Variants in CACNA2D4 observed in about 807,000 individuals in gnomAD.
The protein encoded by CACNA2D4 is calcium voltage-gated channel auxiliary subunit alpha2delta 4.
Under a neutral mutation model 163.8 loss-of-function variants are expected in CACNA2D4, and 157 were observed. That is an observed-to-expected ratio of 0.96 (90% CI 0.84 to 1.09). The LOEUF is 1.09. CACNA2D4 is among the 50% of genes least tolerant of loss of function. The probability of loss-of-function intolerance (pLI) is 0.00; values close to 1 mark genes in which losing one functional copy is unlikely to be tolerated. For missense variants in CACNA2D4, 1,410 were observed against 1,479.9 expected (o/e 0.95, Z 0.78); for synonymous variants, 598 against 586.9 (o/e 1.02, Z -0.27).
intron 29 of CACNA2D4, among the ~76,000 whole-genome samples, chr12:1,803,800 C>G (rs551549639): frequency 1.3e-5 from 2 of 152,332 alleles, no homozygotes; most frequent in Admixed American, 1.3e-4. Context: ...GGACACGAAT[C>G]AAGAGCTTCA....
At position 1,799,763 on chromosome 12, in the gene CACNA2D4, G is replaced by T; in HGVS notation, c.2975-68C>A. On this transcript the variant is annotated intron_variant, in intron 33 of 37. Coordinates refer to ENST00000382722, the MANE Select transcript of CACNA2D4 (RefSeq NM_172364.5). This position sits in a 1 kb window ranked among gnomAD's most constrained non-coding sequence, Gnocchi z 4.7. ...GAAAACATGGTGGCACATGAGGGCAGGATGTCATGGGGTGGTGATGATGGC... is the reference window on the plus strand; with the variant it reads ...GAAAACATGGTGGCACATGAGGGCATGATGTCATGGGGTGGTGATGATGGC... The T allele has an allele frequency of 6.5e-7, 1 of 1,534,812 alleles. No homozygotes were observed. The highest frequency in any genetic ancestry group is 8.8e-7 in the Non-Finnish European group (1 of 1,131,250).
intron 18 of CACNA2D4, among the ~76,000 whole-genome samples, chr12:1,863,431 A>G (rs1865566945): frequency 6.6e-6 from 1 of 152,244 alleles, no homozygotes; most frequent in Admixed American, 6.5e-5. Flanking sequence ...TTTCATATAA[A>G]TTTTAGAACC....
chr12:1,890,604 C>A (rs1866256831), intron 6 of CACNA2D4, among the ~76,000 whole-genome samples: 1 of 152,204 alleles, frequency 6.6e-6, no homozygotes, highest in Non-Finnish European at 1.5e-5. Flanking sequence ...AGCAACCTCA[C>A]CCTCCCCAAT....
rs748828157 is a variant in CACNA2D4, at chr12:1,858,658, A to G, written c.1941-14T>C. 1.3e-6 allele frequency: 2 copies of G among 1,580,278 alleles called. No individual in the cohort carries two copies. Among genetic ancestry groups the G allele is most frequent in the African/African-American group, 1.4e-5 (1 of 74,038 alleles). ...ACCACCCCCAAACTGTGGGGAGAGA[A>G]GAGAAGGCACTCATTCAGCAGCAGC... On this transcript the variant is annotated splice_polypyrimidine_tract_variant and intron_variant, in intron 19 of 37. Transcript: ENST00000382722.
chr12:1,838,469 C>A (rs1415249773), intron 26 of CACNA2D4, among the ~76,000 whole-genome samples: 3 of 152,222 alleles, frequency 2.0e-5, no homozygotes, highest in African/African-American at 7.2e-5. Context: ...GCCCCAGGAT[C>A]AGGGAGGCTG....
chr12:1,886,621 C>G (rs1592734920), intron 7 of CACNA2D4, among the ~76,000 whole-genome samples: 1 of 152,086 alleles, frequency 6.6e-6, no homozygotes, highest in Admixed American at 6.5e-5. Context: ...AACGCTTGTT[C>G]CTTTTGATTT....
intron 26 of CACNA2D4, chr12:1,831,257 C>T: frequency 6.2e-7 from 1 of 1,613,796 alleles, no homozygotes; most frequent in Non-Finnish European, 8.5e-7. Flanking sequence ...GCATCAGGAC[C>T]CTGGACAGGG....
chr12:1,819,499 G>A (rs1565684110), intron 26 of CACNA2D4, among the ~76,000 whole-genome samples: 1 of 152,078 alleles, frequency 6.6e-6, no homozygotes, highest in African/African-American at 2.4e-5. Context: ...AAATGGAAGA[G>A]GGACATAGGA....
intron 18 of CACNA2D4, among the ~76,000 whole-genome samples, chr12:1,863,770 A>T (rs112779487): frequency 3.3e-5 from 5 of 152,278 alleles, no homozygotes; most frequent in African/African-American, 9.6e-5. Flanking sequence ...GCATTATGTG[A>T]GCTGGTCCTG....
At chr12:1,893,573 A>G (rs1293217272) in intron 6 of CACNA2D4, among the ~76,000 whole-genome samples, 2 of 152,140 alleles carry the variant, frequency 1.3e-5, no homozygotes, top group Non-Finnish European at 2.9e-5. Context: ...CTCGGACTAC[A>G]ATAGAATAAA....
rs1217554508 is a variant in CACNA2D4, at chr12:1,801,618, A to G, written c.2748T>C (p.Asp916=). ...RETGRFLGEV[D]GAVLTQLLSM... is the part of the protein sequence containing the mutation. ...TGAGCAGCTGGGTCAGGACAGCACC[A>G]TCCACCTCCCCCAGAAATCTTCCCG... The change falls in exon 30 of 38, where the codon GAT becomes GAC. Residue 916 remains aspartate (D), a synonymous_variant. Coordinates refer to ENST00000382722, the MANE Select transcript of CACNA2D4 (RefSeq NM_172364.5). 6.3e-7 allele frequency: 1 copy of G among 1,589,026 alleles called. No homozygotes were observed. The highest frequency in any genetic ancestry group is 1.1e-5 in the South Asian group (1 of 86,966).
chr12:1,887,752 G>A (rs1253550336), intron 6 of CACNA2D4, among the ~76,000 whole-genome samples: 1 of 152,154 alleles, frequency 6.6e-6, no homozygotes, highest in African/African-American at 2.4e-5. Context: ...ATAGAATCTC[G>A]ATTTGAAAAG....
intron 22 of CACNA2D4, among the ~76,000 whole-genome samples, chr12:1,855,215 C>T (rs1239991943): frequency 6.6e-6 from 1 of 152,172 alleles, no homozygotes; most frequent in Non-Finnish European, 1.5e-5. Context: ...TCTGGGTTAT[C>T]TCTGTAGCTC....
chr12:1,872,835 G>A (rs1865813499), intron 18 of CACNA2D4, among the ~76,000 whole-genome samples: 1 of 152,210 alleles, frequency 6.6e-6, no homozygotes, highest in Admixed American at 6.5e-5. Context: ...ATGGGGTAGA[G>A]GGAGAGGAGA....
At chr12:1,889,298 A>G (rs1031576666) in intron 6 of CACNA2D4, among the ~76,000 whole-genome samples, 1 of 152,212 alleles carries the variant, frequency 6.6e-6, no homozygotes, top group Non-Finnish European at 1.5e-5. Context: ...ATGGTGAACA[A>G]ATAAAATGGT....
chr12:1,868,147 A>T (rs1228772485), intron 18 of CACNA2D4, among the ~76,000 whole-genome samples: 1 of 152,230 alleles, frequency 6.6e-6, no homozygotes, highest in Non-Finnish European at 1.5e-5. Context: ...TCACCACCTC[A>T]TAAAGATACC....
At chr12:1,876,860 T>A (rs962141892) in intron 16 of CACNA2D4, among the ~76,000 whole-genome samples, 19 of 152,224 alleles carry the variant, frequency 1.2e-4, no homozygotes, top group African/African-American at 4.1e-4. Flanking sequence ...CATCTGTAGC[T>A]CCTCATTTTA....
intron 3 of CACNA2D4, among the ~76,000 whole-genome samples, chr12:1,911,566 A>T (rs1866818926): frequency 6.6e-6 from 1 of 152,110 alleles, no homozygotes; most frequent in South Asian, 2.1e-4. Context: ...CATTTCAGGG[A>T]GGCTTTGCAG....
chr12:1,888,641 G>GA (rs1241351995), intron 6 of CACNA2D4, among the ~76,000 whole-genome samples: 1 of 152,106 alleles, frequency 6.6e-6, no homozygotes, highest in African/African-American at 2.4e-5. Context: ...TGTATAGGTT[G>GA]AAAAAAATAA....
Sources: allele counts gnomAD v4.1 joint callset (sites outside exome capture counted in the v4.1 genomes callset), GRCh38; gene constraint gnomAD v4.1.1; non-coding constraint Gnocchi (gnomAD v3.1); transcripts MANE v1.5; gene names NCBI Gene and HGNC (gene_info 2026-07-23, HGNC 2026-07-21).